Variants in PHF24 observed in about 807,000 individuals in gnomAD.
The protein encoded by PHF24 is Galpha inhibitory interacting protein.
A neutral mutation model predicts 42.6 loss-of-function variants in PHF24; 25 were observed. That is an observed-to-expected ratio of 0.59 (90% CI 0.43 to 0.82). The LOEUF (loss-of-function observed/expected upper bound fraction) is 0.82. Ranked by LOEUF, PHF24 falls within the 40% of genes least tolerant of loss-of-function variation. The probability of loss-of-function intolerance (pLI) is 0.00; values close to 1 mark genes in which losing one functional copy is unlikely to be tolerated. For missense variants in PHF24, 470 were observed against 538.1 expected (o/e 0.87, Z 1.25); for synonymous variants, 185 against 204.8 (o/e 0.90, Z 0.83).
At chr9:34,871,927 G>A in the PHF24 span, among the ~76,000 whole-genome samples, 1 of 152,172 alleles carries the variant, frequency 6.6e-6, no homozygotes, top group African/African-American at 2.4e-5. Flanking sequence ...ATAGCTGCTG[G>A]AATTTTTATT....
At chr9:34,771,957 G>C in the PHF24 span, among the ~76,000 whole-genome samples, 13 of 152,286 alleles carry the variant, frequency 8.5e-5, no homozygotes, top group East Asian at 2.5e-3. Flanking sequence ...ATTAAAAGCT[G>C]TGTTTTATTA....
the PHF24 span, among the ~76,000 whole-genome samples, chr9:34,882,286 C>T: frequency 6.6e-6 from 1 of 152,114 alleles, no homozygotes; most frequent in South Asian, 2.1e-4. Context: ...GGAAGCATTC[C>T]CTTTGAAAAC....
the PHF24 span, among the ~76,000 whole-genome samples, chr9:34,749,153 C>T: frequency 6.6e-6 from 1 of 151,770 alleles, no homozygotes; most frequent in Non-Finnish European, 1.5e-5. Flanking sequence ...CTTAAAAATA[C>T]ATAACCAGGG....
chr9:34,882,078 A>C, the PHF24 span, among the ~76,000 whole-genome samples: 3 of 152,224 alleles, frequency 2.0e-5, no homozygotes, highest in Non-Finnish European at 2.9e-5. Flanking sequence ...CAATAAACGT[A>C]ATCCATCATA....
chr9:34,764,128 A>G, the PHF24 span, among the ~76,000 whole-genome samples: 5 of 152,288 alleles, frequency 3.3e-5, no homozygotes, highest in East Asian at 7.7e-4. Flanking sequence ...TTTTGCATCA[A>G]TGTTCATCAA....
At chr9:34,726,755 T>A in the PHF24 span, 4 of 1,551,606 alleles carry the variant, frequency 2.6e-6, no homozygotes, top group Admixed American at 2.0e-5. Flanking sequence ...CAGTGAAAGC[T>A]CTCTGGTGTG....
chr9:34,709,036 A>T, the PHF24 span: 4 of 287,730 alleles, frequency 1.4e-5, no homozygotes, highest in Non-Finnish European at 1.9e-5. Flanking sequence ...CTTTTTATTC[A>T]GTTAGGTATA....
chr9:34,771,133 A>G, the PHF24 span, among the ~76,000 whole-genome samples: 1 of 152,318 alleles, frequency 6.6e-6, no homozygotes, highest in East Asian at 1.9e-4. Flanking sequence ...AAATAAATAA[A>G]TATCTATTGT....
chr9:34,867,910 G>A, the PHF24 span, among the ~76,000 whole-genome samples: 1 of 152,166 alleles, frequency 6.6e-6, no homozygotes, highest in Non-Finnish European at 1.5e-5. Context: ...ACCCAAGACA[G>A]AGGATATGCA....
At chr9:34,673,945 A>G in the PHF24 span, among the ~76,000 whole-genome samples, 1 of 152,178 alleles carries the variant, frequency 6.6e-6, no homozygotes, top group Non-Finnish European at 1.5e-5. Context: ...TTGTAGAGAC[A>G]GAATTTCCCC....
At chr9:34,847,304 G>A in the PHF24 span, among the ~76,000 whole-genome samples, 1 of 152,170 alleles carries the variant, frequency 6.6e-6, no homozygotes, top group Non-Finnish European at 1.5e-5. Flanking sequence ...TCTCCTTGAA[G>A]AGGTCCTTCA....
upstream of PHF24, among the ~76,000 whole-genome samples, chr9:34,952,801 A>G (rs1826294601): frequency 2.0e-5 from 3 of 152,204 alleles, no homozygotes; most frequent in Admixed American, 2.0e-4. Flanking sequence ...CTCTTTGATG[A>G]ATTTGGACAT....
At chr9:34,887,886 A>G in the PHF24 span, among the ~76,000 whole-genome samples, 1 of 152,118 alleles carries the variant, frequency 6.6e-6, no homozygotes, top group Non-Finnish European at 1.5e-5. Flanking sequence ...AGTGCCTGGC[A>G]TATAATAGGT....
chr9:34,890,067 C>T, the PHF24 span, among the ~76,000 whole-genome samples: 2 of 152,172 alleles, frequency 1.3e-5, no homozygotes, highest in African/African-American at 4.8e-5. Flanking sequence ...AATGGGGCTC[C>T]GCAGATCCAG....
chr9:34,972,423 G>A, exon 3 of PHF24: 1 of 1,614,140 alleles, frequency 6.2e-7, no homozygotes, highest in Non-Finnish European at 8.5e-7. Flanking sequence ...TCTGCACCAG[G>A]GTTTTCCATG....
chr9:34,816,881 A>G, the PHF24 span, among the ~76,000 whole-genome samples: 1 of 152,068 alleles, frequency 6.6e-6, no homozygotes, highest in Non-Finnish European at 1.5e-5. Flanking sequence ...TTCTTGTACC[A>G]CTCCAGTCAA....
At chr9:34,838,657 T>C in the PHF24 span, 3 of 496,728 alleles carry the variant, frequency 6.0e-6, no homozygotes, top group Non-Finnish European at 1.1e-5. Context: ...ATAAGGTACA[T>C]GTAGTAGGGA....
chr9:34,806,650 G>T, the PHF24 span, among the ~76,000 whole-genome samples: 1 of 152,096 alleles, frequency 6.6e-6, no homozygotes, highest in East Asian at 1.9e-4. Flanking sequence ...GTAGAGACAG[G>T]GTTTCACCAT....
chr9:34,917,543 G>A, the PHF24 span: 31 of 775,426 alleles, frequency 4.0e-5, no homozygotes, highest in Middle Eastern at 3.4e-4. Context: ...GATAATCGAC[G>A]TGATGAGCAA....
Sources: allele counts gnomAD v4.1 joint callset (sites outside exome capture counted in the v4.1 genomes callset), GRCh38; gene constraint gnomAD v4.1.1; transcripts MANE v1.5; gene names NCBI Gene and HGNC (gene_info 2026-07-23, HGNC 2026-07-21).